Variants in NOS3 observed in about 807,000 individuals in gnomAD.
The protein encoded by NOS3 is nitric oxide synthase 3.
NOS3 carries 98 observed loss-of-function variants against 144.9 expected under a neutral mutation model. The observed-to-expected ratio is 0.68, with a 90% CI of 0.57 to 0.80. The LOEUF is 0.80. NOS3 is among the 30% of genes least tolerant of loss of function. NOS3 has a pLI of 0.00. For synonymous variants in NOS3, 714 were observed against 702.4 expected (o/e 1.02, Z -0.26); for missense variants, 1,465 against 1,656.4 (o/e 0.88, Z 2.01).
intron 18 of NOS3, 23 bp downstream of exon 18, chr7:151,009,085 C>T (rs779400868): frequency 6.2e-7 from 1 of 1,613,058 alleles, no homozygotes; most frequent in Admixed American, 1.7e-5. Flanking sequence ...CTCACCCTAA[C>T]CCGGCTGGTT....
At chr7:151,007,592 C>CAGGGG (rs1272441862) in intron 17 of NOS3, among the ~76,000 whole-genome samples, 1 of 152,180 alleles carries the variant, frequency 6.6e-6, no homozygotes, top group Non-Finnish European at 1.5e-5. Flanking sequence ...CAGGGCAGGG[C>CAGGGG]AGGGGACCCC....
In NOS3 at chr7:150,998,479, C is replaced by G. The variant is rs1171074817; in HGVS notation, c.674+31C>G. On this transcript the variant is annotated intron_variant, in intron 6 of 26. Coordinates refer to ENST00000297494, the MANE Select transcript of NOS3 (RefSeq NM_000603.5). This position sits in a 1 kb window ranked among gnomAD's most constrained non-coding sequence, Gnocchi z 5.0. ...TGCCCCCCACCATGCCAGGCCCCAG[C>G]CTTCTTCCCCAAGGCAGGGAAGGCG... 1 of 1,611,254 alleles carries G rather than the reference C, an allele frequency of 6.2e-7. No individual in the cohort carries two copies. Among genetic ancestry groups the G allele is most frequent in the African/African-American group, 1.3e-5 (1 of 74,914 alleles).
Position 151,013,234 on chromosome 7 carries a change from T to C in NOS3, c.3110T>C (p.Leu1037Pro). ...ERLHDIESKGLQPTPMTLVFG... is the reference protein window; with the variant it reads ...ERLHDIESKGPQPTPMTLVFG... Reference sequence around the variant, plus strand: ...CCAAGCGCGGGGTTGCTTGCAGGGCTGCAGCCCACTCCCATGACTTTGGTG... The same window carrying C: ...CCAAGCGCGGGGTTGCTTGCAGGGCCGCAGCCCACTCCCATGACTTTGGTG... Residue 1037 changes from leucine (L) to proline (P), a missense_variant, in exon 25 of 27, where the codon CTG (leucine) becomes CCG (proline). Transcript: ENST00000297494. 1 of 1,612,712 alleles carries C rather than the reference T, an allele frequency of 6.2e-7. No homozygotes were observed. Among genetic ancestry groups the C allele is most frequent in the South Asian group, 1.1e-5 (1 of 90,950 alleles).
rs150225920 is a variant in NOS3 at position 151,009,193 on chromosome 7, G to C, written c.2250G>C (p.Leu750=). ...TTTGCCCCTCCCCGCCCCCAGGTCT[G>C]ATCCACGTGCACAGGCGGAAGATGT... ...QAEGLQLLPG[L]IHVHRRKMFQ... Residue 750 remains leucine, a synonymous_variant, in exon 19 of 27, where the codon CTG becomes CTC. Coordinates refer to ENST00000297494, the MANE Select transcript of NOS3 (RefSeq NM_000603.5). 9 of 1,613,802 alleles carry C rather than the reference G, an allele frequency of 5.6e-6. No homozygotes were observed. In the African/African-American group the frequency reaches 1.2e-4, roughly 22 times the overall value.
At position 150,999,091 on chromosome 7, in the gene NOS3, C is replaced by T. The variant is rs755420865; in HGVS notation, c.956+6C>T. 1 of 1,612,618 alleles carries T rather than the reference C, an allele frequency of 6.2e-7. No individual in the cohort carries two copies. Among genetic ancestry groups the T allele is most frequent in the Non-Finnish European group, 8.5e-7 (1 of 1,179,898 alleles). On this transcript the variant is annotated splice_donor_region_variant and intron_variant, in intron 8 of 26. Coordinates refer to ENST00000297494, the MANE Select transcript of NOS3 (RefSeq NM_000603.5). ...GTGCCCCTGGAGCACCCCACGTGAG[C>T]ACCAAAGGGATTGACTGGGTGGGAT... is the stretch of plus-strand genomic sequence containing the variant.
At position 151,007,166 on chromosome 7, in the gene NOS3, G is replaced by A. The variant is rs1299211805; in HGVS notation, c.2002G>A (p.Asp668Asn). ...PHFCAFARAV[D>N]TRLEELGGER... is the part of the protein sequence containing the mutation. The stretch of plus-strand genomic sequence containing the variant: ...CTTCTGCGCCTTTGCTCGTGCCGTG[G>A]ACACACGGCTGGAGGAACTGGGCGG... The change falls in exon 17 of 27, where the codon GAC becomes AAC. Residue 668 changes from aspartate (D) to asparagine (N), a missense_variant. Physicochemically the swap from Asp to Asn is conservative, Grantham distance 23 (BLOSUM62 1). Transcript: ENST00000297494. 1 of 1,613,676 alleles carries A rather than the reference G, an allele frequency of 6.2e-7. No homozygotes were observed. The highest frequency in any genetic ancestry group is 8.5e-7 in the Non-Finnish European group (1 of 1,179,956).
Position 151,013,827 on chromosome 7 carries a change from C to A in NOS3, c.3359C>A (p.Ala1120Glu). ...HMFVCGDVTM[A>E]TNVLQTVQRI... Reference sequence around the variant, plus strand: ...TTTGTCTGCGGCGATGTTACCATGGCAACCAACGTCCTGCAGACCGTGCAG... The same window carrying A: ...TTTGTCTGCGGCGATGTTACCATGGAAACCAACGTCCTGCAGACCGTGCAG... The change falls in exon 26 of 27, where the codon GCA becomes GAA. Residue 1120 changes from alanine (A) to glutamate (E), a missense_variant. By Grantham distance (107) the Ala-to-Glu change is moderately radical. This residue lies in a region of NOS3 where 228 missense variants were observed against 227.7 expected (regional missense o/e 1.00). Transcript: ENST00000297494. The A allele has an allele frequency of 6.2e-7, 1 of 1,608,490 alleles. No individual in the cohort carries two copies. Among genetic ancestry groups the A allele is most frequent in the Non-Finnish European group, 8.5e-7 (1 of 1,178,064 alleles).
chr7:151,009,817 G>A (rs1287685824), intron 20 of NOS3, among the ~76,000 whole-genome samples: 2 of 152,168 alleles, frequency 1.3e-5, no homozygotes, highest in African/African-American at 2.4e-5. Context: ...CTCCCTCTGG[G>A]CTCCTCTCCG....
chr7:150,999,258 A>C lies in NOS3; in HGVS notation c.1025A>C (p.Glu342Ala). The C allele has an allele frequency of 3.1e-6, 5 of 1,612,228 alleles. No individual in the cohort carries two copies. The highest frequency in any genetic ancestry group is 4.2e-6 in the Non-Finnish European group (5 of 1,179,784). Reference protein sequence around the residue: ...ALPAVSNMLLEIGGLEFPAAP... With the variant: ...ALPAVSNMLLAIGGLEFPAAP... ...CCGGCAGTGTCCAACATGCTGCTGG[A>C]AATTGGGGGCCTGGAGTTCCCCGCA... Residue 342 changes from glutamate (E) to alanine (A), a missense_variant, in exon 9 of 27, where the codon GAA (glutamate) becomes GCA (alanine). This residue lies in a region of NOS3 where 745 missense variants were observed against 853.9 expected (regional missense o/e 0.87). Transcript: ENST00000297494.
chr7:150,993,687 C>A lies in NOS3; in HGVS notation c.-51-66C>A. 2 of 1,031,436 alleles carry A rather than the reference C, an allele frequency of 1.9e-6. No homozygotes were observed. The highest frequency in any genetic ancestry group is 2.8e-6 in the Non-Finnish European group (2 of 716,830). The allele number at this position is 1,031,436 out of a possible 1,614,324, so 63.9% of individuals were successfully genotyped here. The stretch of plus-strand genomic sequence containing the variant: ...CATTGTGTATGGGATAGGGGCGGGG[C>A]GAGGGCCAGCACTGGAGAGCCCCCT... On this transcript the variant is annotated intron_variant, in intron 1 of 26. Transcript: ENST00000297494. This position sits in a 1 kb window ranked among gnomAD's most constrained non-coding sequence, Gnocchi z 4.0.
At position 151,001,921 on chromosome 7, in the gene NOS3, G is replaced by T; in HGVS notation, c.1603G>T (p.Ala535Ser). 1 of 1,613,586 alleles carries T rather than the reference G, an allele frequency of 6.2e-7. No homozygotes were observed. The highest frequency in any genetic ancestry group is 1.3e-5 in the African/African-American group (1 of 75,056). ...GSETGRAQSY[A>S]QQLGRLFRKA... ...CGAGACCGGCCGGGCCCAGAGCTACGCACAGCAGCTGGGGAGACTCTTCCG... is the reference window on the plus strand; with the variant it reads ...CGAGACCGGCCGGGCCCAGAGCTACTCACAGCAGCTGGGGAGACTCTTCCG... Residue 535 changes from alanine (A) to serine (S), a missense_variant, in exon 13 of 27, where the codon GCA becomes TCA. This residue lies in a region of NOS3 where 745 missense variants were observed against 853.9 expected (regional missense o/e 0.87). Coordinates refer to ENST00000297494, the MANE Select transcript of NOS3 (RefSeq NM_000603.5).
At chr7:151,008,329 G>A (rs1795237585) in intron 17 of NOS3, among the ~76,000 whole-genome samples, 1 of 152,150 alleles carries the variant, frequency 6.6e-6, no homozygotes, top group Admixed American at 6.5e-5. Flanking sequence ...AATCACGGGT[G>A]AGCCCTGCAT....
chr7:150,998,066 C>T lies in NOS3; in HGVS notation c.583-291C>T, dbSNP rs1802472776. Among the ~76,000 whole-genome samples, 1 of 152,216 alleles carries T rather than the reference C, an allele frequency of 6.6e-6. No homozygotes were observed. Among genetic ancestry groups the T allele is most frequent in the Non-Finnish European group, 1.5e-5 (1 of 68,032 alleles). On this transcript the variant is annotated intron_variant, in intron 5 of 26. Transcript: ENST00000297494. This position sits in a 1 kb window ranked among gnomAD's most constrained non-coding sequence, Gnocchi z 5.0. ...CTTAGACATCCGTTGGTGCCTAACC[C>T]AAGCATCAGTTTGGCAGAGGCCGAG... is the stretch of plus-strand genomic sequence containing the variant.
At chr7:150,995,081 G>A in intron 2 of NOS3, 122 bp from the exon 3 acceptor site, 2 of 589,292 alleles carry the variant, frequency 3.4e-6, no homozygotes, top group Non-Finnish European at 6.2e-6. Context: ...GGGAACGCCA[G>A]AAGGCATGCG....
rs1230443018 is a variant in NOS3 at position 151,008,971 on chromosome 7, C to T, written c.2154C>T (p.Ala718=). 6.2e-7 allele frequency: 1 copy of T among 1,610,940 alleles called. No individual in the cohort carries two copies. The highest frequency in any genetic ancestry group is 8.5e-7 in the Non-Finnish European group (1 of 1,179,244). ...TCTGTGTGGGAGAGGATGCCAAGGC[C>T]GCCGCCCGAGACATCTTCAGCCCCA... ...ETFCVGEDAK[A]AARDIFSPKR... is the part of the protein sequence containing the mutation. The change falls in exon 18 of 27, where the codon GCC becomes GCT. Residue 718 remains alanine, a synonymous_variant. Transcript: ENST00000297494.
At chr7:150,992,327 CA>C (rs1802271233) in intron 1 of NOS3, among the ~76,000 whole-genome samples, 1 of 152,130 alleles carries the variant, frequency 6.6e-6, no homozygotes, top group South Asian at 2.1e-4. Flanking sequence ...TCTCCTCCAG[CA>C]TGGTAGAAGA....
intron 21 of NOS3, 91 bp downstream of exon 21, chr7:151,010,378 C>A: frequency 7.8e-7 from 1 of 1,287,646 alleles, no homozygotes; most frequent in Non-Finnish European, 1.1e-6. Context: ...GCAAAGTCCC[C>A]CCTGGACTTT....
Position 150,998,570 on chromosome 7 carries a change from C to A in NOS3, c.706C>A (p.Pro236Thr). The A allele has an allele frequency of 5.0e-6, 8 of 1,609,466 alleles. No individual in the cohort carries two copies. The highest frequency in any genetic ancestry group is 3.4e-5 in the Admixed American group (2 of 59,634). Residue 236 changes from proline (P) to threonine (T), a missense_variant, in exon 7 of 27, where the codon CCT becomes ACT. By Grantham distance (38) the Pro-to-Thr change is conservative. This residue lies in a region of NOS3 where 374 missense variants were observed against 377.0 expected (regional missense o/e 0.99). Transcript: ENST00000297494. This position sits in a 1 kb window ranked among gnomAD's most constrained non-coding sequence, Gnocchi z 5.0. Reference sequence around the variant, plus strand: ...CATCACAGTGTTCCCGCAGCGCTGCCCTGGCCGAGGAGACTTCCGAATCTG... The same window carrying A: ...CATCACAGTGTTCCCGCAGCGCTGCACTGGCCGAGGAGACTTCCGAATCTG... The part of the protein sequence containing the change: ...SAITVFPQRC[P>T]GRGDFRIWNS...
intron 15 of NOS3, 83 bp from the exon 16 acceptor site, chr7:151,006,806 G>A: frequency 1.8e-6 from 2 of 1,119,368 alleles, no homozygotes; most frequent in African/African-American, 3.1e-5. Flanking sequence ...CAGAGACCCT[G>A]AAGCCGTCCC....
Sources: gnomAD v4.1 joint callset for allele counts (sites outside exome capture counted in the v4.1 genomes callset) on GRCh38, gnomAD v4.1.1 for gene constraint, gnomAD v4.1.1 regional missense constraint, Gnocchi (gnomAD v3.1) non-coding constraint, MANE v1.5 for transcripts, NCBI Gene and HGNC (gene_info 2026-07-23, HGNC 2026-07-21) for gene names.